SPIRE1: variants seen among roughly 807,000 people sequenced by gnomAD.
SPIRE1 encodes spire type actin nucleation factor 1, also known as protein spire homolog 1.
A neutral mutation model predicts 94.1 loss-of-function variants in SPIRE1; 40 were observed. That is an observed-to-expected ratio of 0.43 (90% CI 0.33 to 0.55). SPIRE1 has a LOEUF of 0.55. SPIRE1 is among the 20% of genes least tolerant of loss of function. The pLI, the probability that SPIRE1 is intolerant of heterozygous loss-of-function variation, is 0.06. For missense variants in SPIRE1, 838 were observed against 975.2 expected, an observed-to-expected ratio of 0.86 and a Z score of 1.87; for synonymous variants, 376 against 371.7, an observed-to-expected ratio of 1.01 and a Z score of -0.13.
rs560381334 is a variant in SPIRE1, at chr18:12,536,975, CAT to C, written c.604-1376_604-1375del. Reference sequence around the variant, plus strand: ...TTTCTATCAATTAAAGAATAAATGACATCTTTGTAGTTTGTAATAGCCTTAAT... The same window carrying C: ...TTTCTATCAATTAAAGAATAAATGACCTTTGTAGTTTGTAATAGCCTTAAT... On this transcript the variant is annotated intron_variant, in intron 3 of 16. Transcript: ENST00000409402. Among the ~76,000 whole-genome samples the C allele has an allele frequency of 2.3e-3, 350 of 152,252 alleles. 3 individuals carry two copies. Among genetic ancestry groups the C allele is most frequent in the South Asian group, 0.014 (69 of 4,828 alleles).
Position 12,652,234 on chromosome 18 carries a change from AT to A in SPIRE1, c.337+5295del, listed in dbSNP as rs576611823. Among the ~76,000 whole-genome samples the A allele has an allele frequency of 8.1e-3, 1,234 of 152,270 alleles. 14 individuals carry two copies. Among genetic ancestry groups the A allele is most frequent in the African/African-American group, 0.028 (1,177 of 41,542 alleles). ...AGTTACTACCTTCTAAAGACCCTGT[AT>A]ACCAAAATGTGCTCTAATTGCTAGT... is the stretch of plus-strand genomic sequence containing the variant. On this transcript the variant is annotated intron_variant, in intron 1 of 16. Transcript: ENST00000409402.
rs567509051 is a variant in SPIRE1 at position 12,517,997 on chromosome 18, A to T, written c.730-5466T>A. 2.0e-5 allele frequency among the ~76,000 whole-genome samples: 3 copies of T among 152,302 alleles called. No homozygotes were observed. In the East Asian group the frequency reaches 5.8e-4, roughly 29 times the overall value. On this transcript the variant is annotated intron_variant, in intron 4 of 16. Coordinates refer to ENST00000409402, the MANE Select transcript of SPIRE1 (RefSeq NM_001128626.2). ...TGCATTATAATAAGGAATATATTTC[A>T]AAAATTCCTTGAACAAACTTTTAAT...
chr18:12,476,456 G>A (rs972216385), intron 10 of SPIRE1, among the ~76,000 whole-genome samples: 1 of 147,034 alleles, frequency 6.8e-6, no homozygotes, highest in African/African-American at 2.5e-5. Context: ...CAGGAGAATC[G>A]CTTGAACCTG....
rs767699837 is a variant in SPIRE1, at chr18:12,479,701, C to T, written c.1402G>A (p.Glu468Lys). The change falls in exon 10 of 17, where the codon GAG becomes AAG. Residue 468 changes from glutamate (E) to lysine (K), a missense_variant and splice_region_variant. Transcript: ENST00000409402. Reference protein sequence around the residue: ...TLAELDSSESEEETLHKSTSS... With the variant: ...TLAELDSSESKEETLHKSTSS... ...AGCTGGGTGAACTGGGGCCTCACCTCAGACTCAGAGCTGTCCAGTTCGGCC... is the reference window on the plus strand; with the variant it reads ...AGCTGGGTGAACTGGGGCCTCACCTTAGACTCAGAGCTGTCCAGTTCGGCC... 6.2e-7 allele frequency: 1 copy of T among 1,605,234 alleles called. No homozygotes were observed. Among genetic ancestry groups the T allele is most frequent in the East Asian group, 2.2e-5 (1 of 44,814 alleles).
intron 3 of SPIRE1, among the ~76,000 whole-genome samples, chr18:12,543,045 C>T (rs1237456183): frequency 1.3e-5 from 2 of 152,096 alleles, no homozygotes; most frequent in African/African-American, 2.4e-5. Context: ...CCAGGCTGGT[C>T]GTGAACTCCT....
intron 4 of SPIRE1, among the ~76,000 whole-genome samples, chr18:12,525,604 A>G (rs1040184371): frequency 6.6e-6 from 1 of 152,068 alleles, no homozygotes; most frequent in Admixed American, 6.6e-5. Context: ...ACAATAAATG[A>G]ACCTCATTAG....
In SPIRE1 at chr18:12,657,780, G is replaced by A. The variant is rs2038595537; in HGVS notation, c.87C>T (p.Ala29=). The stretch of plus-strand genomic sequence containing the variant: ...CCCGGGAGCCCCCGGCCGCGCCGCC[G>A]GCTGCCCCGGGCTCCCGCGGCCCCT... The part of the protein sequence containing the change: ...GGEGPREPGA[A]GGAAGGSRDA... The change falls in exon 1 of 17, where the codon GCC becomes GCT. Residue 29 remains alanine, a synonymous_variant. Coordinates refer to ENST00000409402, the MANE Select transcript of SPIRE1 (RefSeq NM_001128626.2). 11 of 1,304,446 alleles carry A rather than the reference G, an allele frequency of 8.4e-6. No homozygotes were observed. The highest frequency in any genetic ancestry group is 1.6e-5 in the African/African-American group (1 of 64,244). 80.8% of individuals were successfully genotyped at this position (1,304,446 alleles called of 1,614,324 possible). A position where few individuals can be genotyped will look rare whatever the true frequency, so the allele number is the denominator to read the frequency against.
chr18:12,493,244 A>T (rs1598929378), intron 7 of SPIRE1, 43 bp from the exon 8 acceptor site: 1 of 1,572,418 alleles, frequency 6.4e-7, no homozygotes, highest in East Asian at 2.2e-5. Flanking sequence ...GTAATTAAGT[A>T]ATTTTTACTG....
chr18:12,603,463 G>A (rs1407251643), intron 2 of SPIRE1, among the ~76,000 whole-genome samples: 3 of 152,116 alleles, frequency 2.0e-5, no homozygotes, highest in African/African-American at 4.8e-5. Flanking sequence ...GGTAGCTTCA[G>A]GATGGGGCTG....
At chr18:12,522,036 G>C (rs1331043735) in intron 4 of SPIRE1, among the ~76,000 whole-genome samples, 1 of 152,176 alleles carries the variant, frequency 6.6e-6, no homozygotes, top group African/African-American at 2.4e-5. Flanking sequence ...GTGGAAGGAA[G>C]AGTCATAAGT....
chr18:12,659,678 AAAT>A (rs1875763154), upstream of SPIRE1, among the ~76,000 whole-genome samples: 1 of 152,172 alleles, frequency 6.6e-6, no homozygotes, highest in Non-Finnish European at 1.5e-5. Context: ...TCAAAAAAAT[AAAT>A]AATAAATTGA....
chr18:12,533,671 G>A (rs2034754081), intron 4 of SPIRE1, among the ~76,000 whole-genome samples: 1 of 152,090 alleles, frequency 6.6e-6, no homozygotes, highest in Non-Finnish European at 1.5e-5. Context: ...TAACAAATTT[G>A]CTTTCTAAAT....
At chr18:12,466,355 C>T (rs747721073) in intron 10 of SPIRE1, among the ~76,000 whole-genome samples, 9 of 152,172 alleles carry the variant, frequency 5.9e-5, no homozygotes, top group East Asian at 2.0e-4. Context: ...CAGCTCACTG[C>T]GACCTCCGCC....
chr18:12,573,929 C>T (rs1031298110), intron 2 of SPIRE1, among the ~76,000 whole-genome samples: 7 of 151,984 alleles, frequency 4.6e-5, no homozygotes, highest in East Asian at 1.9e-4. Context: ...TTAGTAGAGA[C>T]GGGGTTTCAC....
At chr18:12,647,843 CAA>C (rs1247206080) in intron 1 of SPIRE1, among the ~76,000 whole-genome samples, 1 of 152,124 alleles carries the variant, frequency 6.6e-6, no homozygotes, top group Non-Finnish European at 1.5e-5. Flanking sequence ...ATAAAAGAAA[CAA>C]GAGCTCCCTG....
At chr18:12,574,123 T>A (rs1030987276) in intron 2 of SPIRE1, among the ~76,000 whole-genome samples, 33 of 152,358 alleles carry the variant, frequency 2.2e-4, no homozygotes, top group African/African-American at 7.5e-4. Context: ...GTAAACGTAC[T>A]GCATTAATGC....
intron 1 of SPIRE1, chr18:12,656,774 A>T (rs2038549184): frequency 1.4e-6 from 1 of 696,754 alleles, no homozygotes; most frequent in Non-Finnish European, 1.8e-6. Flanking sequence ...TAATCCTGAA[A>T]ATTTTACATT....
At chr18:12,621,015 A>C (rs1367993288) in intron 2 of SPIRE1, among the ~76,000 whole-genome samples, 1 of 152,232 alleles carries the variant, frequency 6.6e-6, no homozygotes, top group Non-Finnish European at 1.5e-5. Context: ...TGATTGTGCC[A>C]CTGCACTCTA....
At chr18:12,642,813 C>T (rs566940401) in intron 1 of SPIRE1, among the ~76,000 whole-genome samples, 2 of 152,194 alleles carry the variant, frequency 1.3e-5, no homozygotes, top group East Asian at 3.9e-4. Context: ...ATATGTAATG[C>T]CTGTGGGGCT....
Sources: gnomAD v4.1 joint callset for allele counts (sites outside exome capture counted in the v4.1 genomes callset) on GRCh38, gnomAD v4.1.1 for gene constraint, MANE v1.5 for transcripts, NCBI Gene and HGNC (gene_info 2026-07-23, HGNC 2026-07-21) for gene names.